Variants in ERBB4 observed in about 807,000 individuals in gnomAD.
ERBB4 encodes erb-b2 receptor tyrosine kinase 4.
Under a neutral mutation model 158.0 loss-of-function variants are expected in ERBB4, and 42 were observed. The observed-to-expected ratio is 0.27, with a 90% confidence interval of 0.21 to 0.34. The LOEUF is 0.34. Ranked by LOEUF, ERBB4 falls within the 10% of genes least tolerant of loss-of-function variation. The pLI is 1.00. For missense variants in ERBB4, 1,333 were observed against 1,624.1 expected (o/e 0.82, Z 3.08); for synonymous variants, 583 against 558.7 (o/e 1.04, Z -0.61).
chr2:211,893,874 C>A (rs2079032212), intron 3 of ERBB4, among the ~76,000 whole-genome samples: 1 of 45,642 alleles, frequency 2.2e-5, no homozygotes, highest in Non-Finnish European at 4.0e-5. Context: ...ACATCTCACA[C>A]CAGTTAGAAT....
intron 2 of ERBB4, among the ~76,000 whole-genome samples, chr2:212,005,717 G>C (rs942128527): frequency 9.2e-5 from 14 of 152,112 alleles, no homozygotes; most frequent in Admixed American, 2.0e-4. Flanking sequence ...ATGTATAAAA[G>C]TAGCTCAAGC....
At chr2:212,286,607 T>TGTTTTGTTTTTTTC (rs1251531378) in intron 1 of ERBB4, among the ~76,000 whole-genome samples, 1 of 126,018 alleles carries the variant, frequency 7.9e-6, no homozygotes, top group Admixed American at 8.1e-5. Context: ...TTTTTTTTTT[T>TGTTTTGTTTTTTTC]TTTTTTTTTT....
chr2:211,438,444 T>C (rs1559168749), intron 20 of ERBB4, among the ~76,000 whole-genome samples: 2 of 152,234 alleles, frequency 1.3e-5, no homozygotes, highest in African/African-American at 2.4e-5. Flanking sequence ...GGTCAATTTA[T>C]ACAACATTTG....
chr2:211,773,074 C>T (rs1212084865), intron 4 of ERBB4, among the ~76,000 whole-genome samples: 1 of 149,954 alleles, frequency 6.7e-6, no homozygotes, highest in Non-Finnish European at 1.5e-5. Context: ...TGAGCCACCA[C>T]GCCTTGTCAA....
intron 2 of ERBB4, among the ~76,000 whole-genome samples, chr2:212,085,403 T>C (rs1288608569): frequency 6.6e-6 from 1 of 151,950 alleles, no homozygotes; most frequent in African/African-American, 2.4e-5. Flanking sequence ...TGTACAGCAC[T>C]GAATACAAAT....
chr2:212,188,640 A>C (rs2082100553), intron 1 of ERBB4, among the ~76,000 whole-genome samples: 1 of 151,932 alleles, frequency 6.6e-6, no homozygotes, highest in Non-Finnish European at 1.5e-5. Flanking sequence ...TTCTTTGTTC[A>C]ATAGATTTGA....
chr2:212,011,075 CAT>C lies in ERBB4; in HGVS notation c.235-63461_235-63460del, dbSNP rs375891472. On this transcript the variant is annotated intron_variant, in intron 2 of 27. Transcript: ENST00000342788. Reference sequence around the variant, plus strand: ...ACTGATTTCATATTGTTCAAACACACATGTTTTACAATCAATTTGTACAGCTA... The same window carrying C: ...ACTGATTTCATATTGTTCAAACACACGTTTTACAATCAATTTGTACAGCTA... Among the ~76,000 whole-genome samples, 434 of 152,222 alleles carry C rather than the reference CAT, an allele frequency of 2.9e-3. 3 individuals carry two copies. Among genetic ancestry groups the C allele is most frequent in the African/African-American group, 9.2e-3 (384 of 41,536 alleles).
At chr2:211,435,483 C>T (rs1027258021) in intron 20 of ERBB4, among the ~76,000 whole-genome samples, 1 of 152,162 alleles carries the variant, frequency 6.6e-6, no homozygotes, top group Non-Finnish European at 1.5e-5. Flanking sequence ...ATCAGGGATC[C>T]CCAACCCCTG....
chr2:212,023,001 AT>A (rs1034962514), intron 2 of ERBB4, among the ~76,000 whole-genome samples: 11 of 151,898 alleles, frequency 7.2e-5, no homozygotes, highest in African/African-American at 2.4e-4. Flanking sequence ...TTTGAAGTTC[AT>A]TTTTTTTTTA....
At chr2:211,636,428 A>C (rs2070363978) in intron 16 of ERBB4, among the ~76,000 whole-genome samples, 1 of 152,066 alleles carries the variant, frequency 6.6e-6, no homozygotes, top group Admixed American at 6.6e-5. Flanking sequence ...AGTACAAAAA[A>C]TAAATGCAGA....
intron 2 of ERBB4, among the ~76,000 whole-genome samples, chr2:211,990,708 T>C (rs2082052682): frequency 6.6e-6 from 1 of 151,820 alleles, no homozygotes; most frequent in Non-Finnish European, 1.5e-5. Flanking sequence ...AAGTGAAAAG[T>C]TCAGCCTGGA....
intron 1 of ERBB4, among the ~76,000 whole-genome samples, chr2:212,211,092 T>C (rs2082919262): frequency 6.6e-6 from 1 of 152,110 alleles, no homozygotes; most frequent in South Asian, 2.1e-4. Flanking sequence ...CCCACATTAA[T>C]TACTCACTAG....
intron 2 of ERBB4, among the ~76,000 whole-genome samples, chr2:212,121,818 T>C (rs2079759489): frequency 6.6e-6 from 1 of 152,160 alleles, no homozygotes; most frequent in Non-Finnish European, 1.5e-5. Flanking sequence ...GGCTTCCTTC[T>C]AAGCCTTATA....
intron 4 of ERBB4, among the ~76,000 whole-genome samples, chr2:211,774,236 C>T (rs963466381): frequency 4.6e-5 from 7 of 151,938 alleles, no homozygotes; most frequent in African/African-American, 1.7e-4. Context: ...TCATGCCCGA[C>T]TAATTTTCGT....
chr2:212,188,217 T>TCTCTCTCTCTCC (rs1559691220), intron 1 of ERBB4, among the ~76,000 whole-genome samples: 1 of 31,990 alleles, frequency 3.1e-5, no homozygotes. Flanking sequence ...TCTCTCTCTC[T>TCTCTCTCTCTCC]CTCTCTCTCT....
chr2:212,192,926 A>G (rs775632207), intron 1 of ERBB4, among the ~76,000 whole-genome samples: 16 of 152,146 alleles, frequency 1.1e-4, no homozygotes, highest in Non-Finnish European at 2.1e-4. Context: ...GTTGTTTTGT[A>G]TTCCCTAAAC....
chr2:212,075,433 C>A (rs1459294524), intron 2 of ERBB4, among the ~76,000 whole-genome samples: 9 of 151,764 alleles, frequency 5.9e-5, no homozygotes, highest in Admixed American at 4.0e-4. Flanking sequence ...ATATGTCAGG[C>A]ATTTTCATTA....
intron 19 of ERBB4, among the ~76,000 whole-genome samples, chr2:211,575,847 C>T (rs771899905): frequency 6.6e-6 from 1 of 152,106 alleles, no homozygotes; most frequent in Non-Finnish European, 1.5e-5. Flanking sequence ...TCTCTTATAG[C>T]TTCATGCTTA....
chr2:211,957,198 AG>A (rs1247611779), intron 2 of ERBB4, among the ~76,000 whole-genome samples: 1 of 152,076 alleles, frequency 6.6e-6, no homozygotes, highest in African/African-American at 2.4e-5. Context: ...ATTTGGAGAT[AG>A]GGTTTTTAAA....
Sources: gnomAD v4.1 joint callset for allele counts (sites outside exome capture counted in the v4.1 genomes callset) on GRCh38, gnomAD v4.1.1 for gene constraint, MANE v1.5 for transcripts, NCBI Gene and HGNC (gene_info 2026-07-23, HGNC 2026-07-21) for gene names.